Variants in TPPP2 observed in about 807,000 individuals in gnomAD.
TPPP2 encodes tubulin polymerization promoting protein family member 2, also known as tubulin polymerization-promoting protein family member 2.
TPPP2 carries 8 observed loss-of-function variants against 13.0 expected under a neutral mutation model. The observed-to-expected ratio is 0.62, with a 90% CI of 0.36 to 1.11. The LOEUF is 1.11. Among genes scored for constraint, TPPP2 ranks in the 50% most tolerant of loss-of-function variants. TPPP2 has a pLI of 0.02. For synonymous variants in TPPP2, 81 were observed against 81.8 expected (o/e 0.99, Z 0.05); for missense variants, 213 against 216.9 (o/e 0.98, Z 0.11).
downstream of TPPP2, chr14:21,034,838 G>A (rs1400206735): frequency 6.5e-6 from 1 of 153,680 alleles, no homozygotes; most frequent in Non-Finnish European, 1.4e-5. Flanking sequence ...GTGCTAAGAG[G>A]GTTGGATGGG....
downstream of TPPP2, among the ~76,000 whole-genome samples, chr14:21,035,557 T>TA (rs1396553675): frequency 1.3e-5 from 2 of 152,206 alleles, no homozygotes; most frequent in African/African-American, 4.8e-5. Flanking sequence ...GGGCCTCCTC[T>TA]TAGGAGAGCC....
chr14:21,034,090 C>A, downstream of TPPP2: 8 of 1,614,170 alleles, frequency 5.0e-6, no homozygotes, highest in Non-Finnish European at 6.8e-6. Flanking sequence ...TTTGGGCAAT[C>A]TGAATTTTGC....
intron 1 of TPPP2, chr14:21,024,773 C>A: frequency 1.0e-6 from 1 of 985,604 alleles, no homozygotes; most frequent in African/African-American, 1.7e-5. Context: ...CCTACGCAGC[C>A]CGTCCGCGTG....
chr14:21,034,123 T>C (rs776987978), downstream of TPPP2: 2 of 1,614,210 alleles, frequency 1.2e-6, no homozygotes, highest in Non-Finnish European at 1.7e-6. Context: ...ATATAGGACA[T>C]CAGACCATTA....
intron 1 of TPPP2, chr14:21,024,902 G>A (rs1438927473): frequency 1.2e-5 from 12 of 985,466 alleles, no homozygotes; most frequent in South Asian, 4.7e-5. Context: ...CAGCAACCGA[G>A]CGCCCGCTCC....
intron 3 of TPPP2, 52 bp from the exon 4 acceptor site, chr14:21,031,840 A>G (rs373837864): frequency 8.2e-6 from 13 of 1,580,176 alleles, no homozygotes; most frequent in Non-Finnish European, 9.5e-6. Flanking sequence ...TGGGGAAGGG[A>G]TATGACAGCG....
At chr14:21,027,650 C>T (rs1883785209), upstream of TPPP2, among the ~76,000 whole-genome samples, 1 of 152,190 alleles carries the variant, frequency 6.6e-6, no homozygotes, top group African/African-American at 2.4e-5. Context: ...TCTGTAAATG[C>T]GGTAATACCT....
At chr14:21,027,150 T>C (rs1248432410), upstream of TPPP2, among the ~76,000 whole-genome samples, 2 of 152,168 alleles carry the variant, frequency 1.3e-5, no homozygotes, top group African/African-American at 4.8e-5. Context: ...TTCCTAGACC[T>C]TGGGGTCCCA....
intron 1 of TPPP2, chr14:21,024,597 C>A: frequency 1.0e-6 from 1 of 985,518 alleles, no homozygotes; most frequent in Non-Finnish European, 1.2e-6. Flanking sequence ...CTCCTCTACT[C>A]AGTCTCCGTG....
upstream of TPPP2, among the ~76,000 whole-genome samples, chr14:21,026,903 G>C (rs2139059612): frequency 6.6e-6 from 1 of 152,310 alleles, no homozygotes; most frequent in East Asian, 1.9e-4. Flanking sequence ...AGACAGGAGA[G>C]ATCTCATCAG....
chr14:21,027,651 G>A (rs775755053), upstream of TPPP2, among the ~76,000 whole-genome samples: 16 of 152,122 alleles, frequency 1.1e-4, no homozygotes, highest in East Asian at 3.8e-4. Context: ...CTGTAAATGC[G>A]GTAATACCTA....
chr14:21,035,684 T>G, downstream of TPPP2: 2 of 436,502 alleles, frequency 4.6e-6, no homozygotes, highest in South Asian at 3.3e-5. Flanking sequence ...AAGATTGGTG[T>G]TCCTCATGTA....
downstream of TPPP2, chr14:21,034,271 G>A (rs911731646): frequency 6.2e-7 from 1 of 1,611,662 alleles, no homozygotes. Flanking sequence ...AAAGGAGCCG[G>A]GTCACAGCTG....
In TPPP2 at chr14:21,032,246, G is replaced by T. The variant is rs1884259567; in HGVS notation, c.*169G>T. 3 of 733,990 alleles carry T rather than the reference G, an allele frequency of 4.1e-6. No individual in the cohort carries two copies. Among genetic ancestry groups the T allele is most frequent in the Admixed American group, 2.0e-5 (1 of 49,512 alleles). The allele number at this position is 733,990 out of a possible 1,614,324, so 45.5% of individuals were successfully genotyped here. A position where few individuals can be genotyped will look rare whatever the true frequency, so the allele number is the denominator to read the frequency against. Reference sequence around the variant, plus strand: ...GAGAAGAGGCAGCACAGGAGGGTGGGTTCTCCACCACACACCCTTCGCTCT... The same window carrying T: ...GAGAAGAGGCAGCACAGGAGGGTGGTTTCTCCACCACACACCCTTCGCTCT... On this transcript the variant is annotated 3_prime_UTR_variant, in exon 4 of 4. Coordinates refer to ENST00000321760, the MANE Select transcript of TPPP2 (RefSeq NM_173846.5).
At chr14:21,030,981 A>C (rs1490982311) in intron 2 of TPPP2, 31 bp from the exon 3 acceptor site, 1 of 1,582,128 alleles carries the variant, frequency 6.3e-7, no homozygotes. Context: ...TTCATGCTCC[A>C]AAGTTTCTGG....
chr14:21,025,199 C>T lies in TPPP2; in HGVS notation n.236+855C>T. On this transcript the variant is annotated intron_variant and non_coding_transcript_variant, in intron 1 of 1. Transcript: ENST00000533755. This position sits in a 1 kb window ranked among gnomAD's most constrained non-coding sequence, Gnocchi z 5.1. ...AACACGCCCCCCCTTTCACCCCGCC[C>T]AGACTGCCGCTCAGGAAAGGGTTGT... 1.1e-6 allele frequency: 1 copy of T among 876,960 alleles called. No individual in the cohort carries two copies. The highest frequency in any genetic ancestry group is 5.2e-5 in the South Asian group (1 of 19,170). The allele number at this position is 876,960 out of a possible 1,614,324, so 54.3% of individuals were successfully genotyped here.
downstream of TPPP2, chr14:21,033,366 G>C: frequency 7.3e-6 from 2 of 274,584 alleles, no homozygotes; most frequent in South Asian, 7.7e-5. Flanking sequence ...TGAGTAGGTG[G>C]GTGAGTGGAG....
Position 21,031,196 on chromosome 14 carries a change from A to G in TPPP2, c.327+31A>G, listed in dbSNP as rs766940102. ...TGACAGCCTTCATCCCCTTGACCCT[A>G]CTTCCCTAAATCCCCATTGTTCCAG... On this transcript the variant is annotated intron_variant, in intron 3 of 3. Transcript: ENST00000321760. 5.6e-6 allele frequency: 9 copies of G among 1,605,744 alleles called. No individual in the cohort carries two copies. The African/African-American group carries it at 1.2e-4, about 22-fold the overall frequency.
intron 3 of TPPP2, 51 bp downstream of exon 3, chr14:21,031,216 TTCCAGTCTA>T: frequency 6.3e-7 from 1 of 1,593,864 alleles, no homozygotes; most frequent in Non-Finnish European, 8.5e-7. Flanking sequence ...ATCCCCATTG[TTCCAGTCTA>T]CCCTCCCTAA....
Sources: gnomAD v4.1 joint callset for allele counts (sites outside exome capture counted in the v4.1 genomes callset) on GRCh38, gnomAD v4.1.1 for gene constraint, Gnocchi (gnomAD v3.1) non-coding constraint, MANE v1.5 for transcripts, NCBI Gene and HGNC (gene_info 2026-07-23, HGNC 2026-07-21) for gene names.